ITGB6: variants seen among roughly 807,000 people sequenced by gnomAD.
ITGB6 encodes integrin beta-6.
ITGB6 carries 80 observed loss-of-function variants against 84.5 expected under a neutral mutation model. That is an observed-to-expected ratio of 0.95 (90% CI 0.79 to 1.14). The LOEUF (loss-of-function observed/expected upper bound fraction) is 1.14, where lower values mean the gene tolerates loss of function less well. ITGB6 is among the 50% of genes most tolerant of loss of function. The pLI is 0.00. For missense variants in ITGB6, 1,006 were observed against 968.0 expected, an observed-to-expected ratio of 1.04 and a Z score of -0.52; for synonymous variants, 383 against 354.9, an observed-to-expected ratio of 1.08 and a Z score of -0.89.
intron 4 of ITGB6, among the ~76,000 whole-genome samples, chr2:160,185,251 C>T (rs554780827): frequency 8.5e-5 from 13 of 152,320 alleles, no homozygotes; most frequent in South Asian, 6.2e-4. Flanking sequence ...AGCCCAAAAT[C>T]TCCTTAAGCT....
chr2:160,113,035 A>G (rs1682597192), intron 12 of ITGB6, among the ~76,000 whole-genome samples: 1 of 152,258 alleles, frequency 6.6e-6, no homozygotes, highest in Admixed American at 6.5e-5. Flanking sequence ...CTGTTCTCCT[A>G]TCTTTTAAGT....
At chr2:160,118,328 G>T (rs1261900154) in intron 12 of ITGB6, among the ~76,000 whole-genome samples, 1 of 152,162 alleles carries the variant, frequency 6.6e-6, no homozygotes, top group Non-Finnish European at 1.5e-5. Context: ...GATCAAGTGG[G>T]CTTCATCCCT....
intron 9 of ITGB6, 98 bp downstream of exon 9, chr2:160,137,967 C>T (rs148030665): frequency 3.3e-5 from 51 of 1,529,694 alleles, no homozygotes; most frequent in Non-Finnish European, 4.1e-5. Flanking sequence ...TTGAAAATTG[C>T]TTTTAAAATT....
chr2:160,152,187 G>A (rs1574092206), intron 7 of ITGB6, among the ~76,000 whole-genome samples: 1 of 152,062 alleles, frequency 6.6e-6, no homozygotes, highest in African/African-American at 2.4e-5. Context: ...TCATCAGTGC[G>A]AAAATCCTCA....
intron 12 of ITGB6, 72 bp from the exon 13 acceptor site, chr2:160,112,271 T>G: frequency 7.2e-7 from 1 of 1,390,470 alleles, no homozygotes; most frequent in Non-Finnish European, 1.0e-6. Context: ...CAAAGTAGTA[T>G]TGAGTTTTAA....
chr2:160,193,019 C>T (rs1686201050), intron 4 of ITGB6, among the ~76,000 whole-genome samples: 3 of 152,180 alleles, frequency 2.0e-5, no homozygotes, highest in South Asian at 2.1e-4. Flanking sequence ...ATATCTGGAA[C>T]CCTGTCACAC....
Position 160,126,596 on chromosome 2 carries a change from C to T in ITGB6, c.1666G>A (p.Gly556Ser), listed in dbSNP as rs748564787. The change falls in exon 11 of 15, where the codon GGC becomes AGC. Residue 556 changes from glycine (G) to serine (S), a missense_variant. Physicochemically the swap from Gly to Ser is moderately conservative, Grantham distance 56. Transcript: ENST00000283249. ...RHKGLLCGGN[G>S]DCDCGECVCR... ...ACACATTCACCACAGTCACAGTCGC[C>T]GTTACCTGTAACACAAAATGCTCTA... The T allele has an allele frequency of 1.2e-5, 19 of 1,612,452 alleles. No individual in the cohort carries two copies. The highest frequency in any genetic ancestry group is 5.5e-5 in the South Asian group (5 of 91,024).
chr2:160,143,519 T>C (rs1684080279), intron 7 of ITGB6, among the ~76,000 whole-genome samples: 1 of 152,152 alleles, frequency 6.6e-6, no homozygotes, highest in African/African-American at 2.4e-5. Flanking sequence ...ACTAAGTAGG[T>C]TTTCTATACT....
At position 160,101,006 on chromosome 2, in the gene ITGB6, A is replaced by G. The variant is rs1328169602; in HGVS notation, c.*730T>C. ...TTGAAAACTCAGAGTCAAAAAGGAA[A>G]CAGTGTAGAATATCGTTTTTCAGGT... On this transcript the variant is annotated 3_prime_UTR_variant, in exon 15 of 15. Transcript: ENST00000283249. 6.6e-6 allele frequency: 1 copy of G among 152,240 alleles called. No homozygotes were observed. The allele number at this position is 152,240 out of a possible 1,614,324, so 9.4% of individuals were successfully genotyped here. A position where few individuals can be genotyped will look rare whatever the true frequency, so the allele number is the denominator to read the frequency against.
intron 4 of ITGB6, among the ~76,000 whole-genome samples, chr2:160,182,828 G>A (rs1685738840): frequency 6.6e-6 from 1 of 152,154 alleles, no homozygotes; most frequent in Non-Finnish European, 1.5e-5. Context: ...GGAGAGTAGG[G>A]GCCAATATTC....
At chr2:160,149,702 AC>A (rs1398916551) in intron 7 of ITGB6, among the ~76,000 whole-genome samples, 1 of 152,104 alleles carries the variant, frequency 6.6e-6, no homozygotes, top group African/African-American at 2.4e-5. Flanking sequence ...GAAGCTAAAA[AC>A]CTTGAAAAAA....
chr2:160,169,185 G>T (rs778162604), intron 7 of ITGB6, 27 bp downstream of exon 7: 19 of 1,345,642 alleles, frequency 1.4e-5, no homozygotes, highest in Non-Finnish European at 1.8e-5. Flanking sequence ...TCTCCTTGAA[G>T]GAATTTCCCA....
chr2:160,111,346 A>T (rs983488594), intron 13 of ITGB6, among the ~76,000 whole-genome samples: 1 of 152,208 alleles, frequency 6.6e-6, no homozygotes. Flanking sequence ...TGTAAGACAG[A>T]TAATGAGCAG....
chr2:160,131,087 CA>C (rs1683451300), intron 10 of ITGB6, among the ~76,000 whole-genome samples: 1 of 152,014 alleles, frequency 6.6e-6, no homozygotes, highest in Non-Finnish European at 1.5e-5. Context: ...ACAACAACAA[CA>C]ACAAAACTGT....
chr2:160,151,389 G>C (rs1318847904), intron 7 of ITGB6, among the ~76,000 whole-genome samples: 2 of 152,162 alleles, frequency 1.3e-5, no homozygotes, highest in Admixed American at 6.5e-5. Flanking sequence ...GATGTTCTTT[G>C]AAACCAATGA....
intron 12 of ITGB6, among the ~76,000 whole-genome samples, chr2:160,119,214 C>A (rs533126333): frequency 6.6e-6 from 1 of 152,206 alleles, no homozygotes; most frequent in African/African-American, 2.4e-5. Context: ...CCAAGTCAAT[C>A]CTAAGCCAAA....
At chr2:160,192,145 G>A (rs1686165719) in intron 4 of ITGB6, among the ~76,000 whole-genome samples, 1 of 152,054 alleles carries the variant, frequency 6.6e-6, no homozygotes, top group African/African-American at 2.4e-5. Context: ...AATTTATATG[G>A]AAATGCAAAG....
At chr2:160,104,381 C>T (rs900652949) in intron 14 of ITGB6, among the ~76,000 whole-genome samples, 1 of 152,206 alleles carries the variant, frequency 6.6e-6, no homozygotes. Context: ...TCTACACAGA[C>T]TTTCCAGCTG....
chr2:160,150,930 C>T (rs899266070), intron 7 of ITGB6, among the ~76,000 whole-genome samples: 2 of 152,072 alleles, frequency 1.3e-5, no homozygotes, highest in East Asian at 1.9e-4. Context: ...ATGCACCTAA[C>T]ACAGGAGCAC....
Sources: allele counts gnomAD v4.1 joint callset (sites outside exome capture counted in the v4.1 genomes callset), GRCh38; gene constraint gnomAD v4.1.1; transcripts MANE v1.5; gene names NCBI Gene and HGNC (gene_info 2026-07-23, HGNC 2026-07-21).